Variants in TNRC6B observed in about 807,000 individuals in gnomAD.
The protein encoded by TNRC6B is trinucleotide repeat-containing gene 6B protein.
Under a neutral mutation model 203.6 loss-of-function variants are expected in TNRC6B, and 52 were observed. That is an observed-to-expected ratio of 0.26 (90% CI 0.20 to 0.32). The LOEUF is 0.32. Among genes scored for constraint, TNRC6B ranks in the 10% least tolerant of loss-of-function variants. TNRC6B has a pLI of 1.00. For synonymous variants in TNRC6B, 838 were observed against 845.7 expected (o/e 0.99, Z 0.16); for missense variants, 1,923 against 2,286.2 (o/e 0.84, Z 3.24).
In TNRC6B at chr22:40,266,203, C is replaced by T. The variant is rs181301345; in HGVS notation, c.1973C>T (p.Thr658Ile). ...ACTGAGGGGTGGGAGAGCGCTGCCA[C>T]ACAGACCAAGAACTCAGGGGGCTGG... ...KGTEGWESAA[T>I]QTKNSGGWGD... The change falls in exon 5 of 23, where the codon ACA becomes ATA. Residue 658 changes from threonine (T) to isoleucine (I), a missense_variant. Transcript: ENST00000454349. 143 of 1,611,694 alleles carry T rather than the reference C, an allele frequency of 8.9e-5. No homozygotes were observed. Among genetic ancestry groups the T allele is most frequent in the Admixed American group, 6.7e-5 (4 of 59,430 alleles).
intron 16 of TNRC6B, among the ~76,000 whole-genome samples, chr22:40,309,019 C>G (rs900535459): frequency 2.6e-5 from 4 of 152,180 alleles, no homozygotes; most frequent in African/African-American, 9.7e-5. Flanking sequence ...ATAAATTTAT[C>G]GGCTTTAAAA....
At chr22:40,270,060 C>A in intron 5 of TNRC6B, 62 bp from the exon 6 acceptor site, 1 of 1,514,940 alleles carries the variant, frequency 6.6e-7, no homozygotes, top group South Asian at 1.2e-5. Context: ...ACCTTCACCC[C>A]ACTGGATATT....
intron 15 of TNRC6B, among the ~76,000 whole-genome samples, chr22:40,307,087 G>A (rs1053596904): frequency 1.0e-4 from 12 of 120,568 alleles, no homozygotes; most frequent in Non-Finnish European, 1.7e-4. Context: ...TAGTAAATTC[G>A]GTTACAGAGT....
At position 40,060,781 on chromosome 22, in the gene TNRC6B, G is replaced by A. The variant is rs1053844144; in HGVS notation, c.-121+15783G>A. Among the ~76,000 whole-genome samples the A allele has an allele frequency of 3.9e-5, 6 of 152,206 alleles. No individual in the cohort carries two copies. The East Asian group carries it at 1.2e-3, about 29-fold the overall frequency. ...ACACACTTAATTCCCCCAGGAACAAGTTGTAACAATATGTGTGAAGTGTTG... is the reference window on the plus strand; with the variant it reads ...ACACACTTAATTCCCCCAGGAACAAATTGTAACAATATGTGTGAAGTGTTG... On this transcript the variant is annotated intron_variant, in intron 1 of 23. Transcript: ENST00000301923.
intron 1 of TNRC6B, among the ~76,000 whole-genome samples, chr22:40,242,818 A>T (rs962026632): frequency 1.3e-5 from 2 of 152,024 alleles, no homozygotes; most frequent in Non-Finnish European, 2.9e-5. Flanking sequence ...TTCTCCACAT[A>T]GATGTCCATT....
chr22:40,305,329 C>T (rs2071075542), intron 15 of TNRC6B, among the ~76,000 whole-genome samples: 1 of 152,162 alleles, frequency 6.6e-6, no homozygotes, highest in Non-Finnish European at 1.5e-5. Flanking sequence ...TTAATTTGAG[C>T]TAAAGCTCTG....
At chr22:40,125,712 G>T in intron 2 of TNRC6B, 3 of 1,323,810 alleles carry the variant, frequency 2.3e-6, no homozygotes, top group East Asian at 2.6e-5. Context: ...CTAAACCTTT[G>T]AAAAAAAAAT....
chr22:40,054,591 C>T (rs2067777912), intron 1 of TNRC6B, among the ~76,000 whole-genome samples: 3 of 152,188 alleles, frequency 2.0e-5, no homozygotes, highest in Admixed American at 1.3e-4. Flanking sequence ...TTATATTTCC[C>T]CTTCTGGAAA....
chr22:40,202,592 G>A (rs2146409431), intron 1 of TNRC6B, among the ~76,000 whole-genome samples: 1 of 152,200 alleles, frequency 6.6e-6, no homozygotes, highest in Middle Eastern at 3.4e-3. Flanking sequence ...GATAACGAAT[G>A]ACTTGTTTCT....
chr22:40,271,510 C>T (rs986326535), intron 6 of TNRC6B, among the ~76,000 whole-genome samples: 2 of 152,106 alleles, frequency 1.3e-5, no homozygotes, highest in Non-Finnish European at 2.9e-5. Context: ...TCCTCGACCT[C>T]ATTAAAATAG....
At chr22:40,287,097 A>C (rs1216755751) in intron 12 of TNRC6B, among the ~76,000 whole-genome samples, 1 of 151,834 alleles carries the variant, frequency 6.6e-6, no homozygotes, top group Non-Finnish European at 1.5e-5. Context: ...GCAAGCTCAA[A>C]CTCTTGGGCT....
chr22:40,050,735 A>G (rs1330514088), intron 1 of TNRC6B, among the ~76,000 whole-genome samples: 1 of 152,200 alleles, frequency 6.6e-6, no homozygotes, highest in South Asian at 2.1e-4. Context: ...TCAGGCATAC[A>G]ACAGACTTCC....
chr22:40,260,805 G>A (rs2070369441), intron 3 of TNRC6B, among the ~76,000 whole-genome samples: 2 of 152,164 alleles, frequency 1.3e-5, no homozygotes, highest in Admixed American at 1.3e-4. Flanking sequence ...CTTAATTAAT[G>A]GAATGTATTC....
chr22:40,145,963 A>G (rs911328133), intron 3 of TNRC6B, among the ~76,000 whole-genome samples: 1 of 152,162 alleles, frequency 6.6e-6, no homozygotes, highest in Non-Finnish European at 1.5e-5. Context: ...TGGAAACGTG[A>G]TAGGTTAGGA....
intron 3 of TNRC6B, among the ~76,000 whole-genome samples, chr22:40,142,315 G>A (rs916604511): frequency 6.6e-6 from 1 of 151,188 alleles, no homozygotes; most frequent in Non-Finnish European, 1.5e-5. Context: ...TCATACCTTG[G>A]TTTCTCACAG....
At chr22:40,144,441 C>T (rs1301787977) in intron 3 of TNRC6B, among the ~76,000 whole-genome samples, 4 of 151,996 alleles carry the variant, frequency 2.6e-5, no homozygotes, top group Non-Finnish European at 1.5e-5. Flanking sequence ...TTTGGGAGGC[C>T]GAGGCGGGCG....
At chr22:40,224,561 G>A (rs138038) in intron 1 of TNRC6B, among the ~76,000 whole-genome samples, 48,769 of 152,004 alleles carry the variant, frequency 0.32, 9,581 homozygotes, top group East Asian at 0.57. Context: ...TACTTGTTTT[G>A]AAGCATTTCT....
chr22:40,163,455 T>C (rs1601851685), intron 4 of TNRC6B, among the ~76,000 whole-genome samples: 2 of 8,172 alleles, frequency 2.4e-4, no homozygotes, highest in Non-Finnish European at 3.9e-4. Flanking sequence ...AGACCCTGTC[T>C]CAAAAAAAAA....
intron 3 of TNRC6B, among the ~76,000 whole-genome samples, chr22:40,138,905 T>C (rs994783578): frequency 1.3e-5 from 2 of 152,192 alleles, no homozygotes; most frequent in Non-Finnish European, 2.9e-5. Flanking sequence ...AGAATTAACT[T>C]GGATGTTCTT....
Sources: gnomAD v4.1 joint callset for allele counts (sites outside exome capture counted in the v4.1 genomes callset) on GRCh38, gnomAD v4.1.1 for gene constraint, MANE v1.5 for transcripts, NCBI Gene and HGNC (gene_info 2026-07-23, HGNC 2026-07-21) for gene names.